MALRD1: variants seen among roughly 807,000 people sequenced by gnomAD.
MALRD1 encodes MAM and LDL receptor class A domain containing 1.
Under a neutral mutation model 242.1 loss-of-function variants are expected in MALRD1, and 247 were observed. The ratio of observed to expected loss-of-function variants is 1.02; its 90% confidence interval spans 0.92 to 1.13. The LOEUF (loss-of-function observed/expected upper bound fraction) is 1.13. MALRD1 is among the 50% of genes most tolerant of loss of function. MALRD1 has a pLI of 0.00. For missense variants in MALRD1, 2,989 were observed against 2,533.1 expected (o/e 1.18, Z -3.86); for synonymous variants, 995 against 866.6 (o/e 1.15, Z -2.60).
intron 18 of MALRD1, among the ~76,000 whole-genome samples, chr10:19,241,052 A>G (rs1411709600): frequency 6.6e-6 from 1 of 152,062 alleles, no homozygotes; most frequent in Non-Finnish European, 1.5e-5. Flanking sequence ...GTCTGGTTTT[A>G]GAATCAAGAT....
intron 19 of MALRD1, among the ~76,000 whole-genome samples, chr10:19,272,881 A>C (rs1588828775): frequency 6.6e-6 from 1 of 152,176 alleles, no homozygotes; most frequent in South Asian, 2.1e-4. Flanking sequence ...TTATGGCTGC[A>C]TAGTATTCCA....
intron 19 of MALRD1, among the ~76,000 whole-genome samples, chr10:19,271,795 A>G (rs367670559): frequency 6.6e-6 from 1 of 152,174 alleles, no homozygotes; most frequent in Non-Finnish European, 1.5e-5. Flanking sequence ...ATTTAATCAC[A>G]TAACAACCTA....
intron 28 of MALRD1, among the ~76,000 whole-genome samples, chr10:19,449,057 G>A (rs1835162042): frequency 6.6e-6 from 1 of 152,226 alleles, no homozygotes; most frequent in Non-Finnish European, 1.5e-5. Context: ...ATTACATCTG[G>A]AACTAGAAAC....
At chr10:19,211,502 G>A (rs1185344809) in intron 18 of MALRD1, among the ~76,000 whole-genome samples, 6 of 151,482 alleles carry the variant, frequency 4.0e-5, no homozygotes, top group Non-Finnish European at 4.4e-5. Flanking sequence ...AGACCAGCCT[G>A]GGCAACAAGG....
At chr10:19,048,671 A>C, upstream of MALRD1, 1 of 267,806 alleles carries the variant, frequency 3.7e-6, no homozygotes, top group Non-Finnish European at 7.0e-6. Context: ...AATTGTGTAA[A>C]TATGGCATAC....
At chr10:19,336,280 C>T (rs1843608206) in intron 24 of MALRD1, among the ~76,000 whole-genome samples, 1 of 152,090 alleles carries the variant, frequency 6.6e-6, no homozygotes, top group African/African-American at 2.4e-5. Flanking sequence ...ATTTTATTAG[C>T]TTTCAAATAC....
At chr10:19,143,754 A>G (rs1323426870) in intron 10 of MALRD1, among the ~76,000 whole-genome samples, 2 of 152,206 alleles carry the variant, frequency 1.3e-5, no homozygotes, top group Non-Finnish European at 2.9e-5. Flanking sequence ...TTCAGAGGCC[A>G]AATATGTACT....
intron 29 of MALRD1, among the ~76,000 whole-genome samples, chr10:19,468,189 A>C (rs1443130717): frequency 6.6e-6 from 1 of 152,216 alleles, no homozygotes; most frequent in East Asian, 1.9e-4. Context: ...GGTTAATTAG[A>C]ATTCCCTTAA....
chr10:19,075,742 A>G (rs1402493771), intron 2 of MALRD1, among the ~76,000 whole-genome samples: 1 of 152,078 alleles, frequency 6.6e-6, no homozygotes, highest in African/African-American at 2.4e-5. Flanking sequence ...CTAAGCAAAG[A>G]ACCAGCTAAG....
chr10:19,062,934 C>G (rs896060882), intron 1 of MALRD1, among the ~76,000 whole-genome samples: 1 of 151,984 alleles, frequency 6.6e-6, no homozygotes, highest in East Asian at 1.9e-4. Flanking sequence ...ATGCTTGAAC[C>G]CAGAAGTTCA....
At chr10:19,431,803 CT>C (rs1440920537) in intron 28 of MALRD1, among the ~76,000 whole-genome samples, 2 of 152,082 alleles carry the variant, frequency 1.3e-5, no homozygotes, top group African/African-American at 4.8e-5. Flanking sequence ...AAGTACTGTT[CT>C]TCTGTTTGCA....
chr10:19,486,404 T>C (rs953694857), intron 29 of MALRD1, among the ~76,000 whole-genome samples: 3 of 152,184 alleles, frequency 2.0e-5, no homozygotes, highest in South Asian at 4.1e-4. Flanking sequence ...CTTAGGACTT[T>C]TCTTAGATAT....
intron 31 of MALRD1, among the ~76,000 whole-genome samples, chr10:19,521,314 G>T (rs887440116): frequency 1.3e-5 from 2 of 151,498 alleles, no homozygotes; most frequent in African/African-American, 4.9e-5. Flanking sequence ...TTATTTCCTT[G>T]AGTGTCCTTA....
chr10:19,170,756 A>G (rs1456216497), intron 13 of MALRD1, among the ~76,000 whole-genome samples: 1 of 152,098 alleles, frequency 6.6e-6, no homozygotes, highest in Non-Finnish European at 1.5e-5. Context: ...TATTTTTCTT[A>G]CTTGACATGT....
intron 5 of MALRD1, among the ~76,000 whole-genome samples, chr10:19,122,614 T>C (rs1447194275): frequency 6.6e-6 from 1 of 151,840 alleles, no homozygotes; most frequent in Admixed American, 6.6e-5. Context: ...AAAGCTTGGG[T>C]ATTTAGGAAG....
intron 19 of MALRD1, among the ~76,000 whole-genome samples, chr10:19,264,363 T>G (rs1266642974): frequency 3.9e-5 from 6 of 152,136 alleles, no homozygotes; most frequent in Non-Finnish European, 8.8e-5. Flanking sequence ...TGCATCTATA[T>G]TCATCAGTCA....
chr10:19,343,744 A>G (rs949023467), intron 24 of MALRD1, among the ~76,000 whole-genome samples: 16 of 152,060 alleles, frequency 1.1e-4, no homozygotes, highest in African/African-American at 2.7e-4. Flanking sequence ...CCCTGGTGCT[A>G]TTTTCCAGAG....
chr10:19,502,418 G>A (rs1564395711), intron 31 of MALRD1, among the ~76,000 whole-genome samples: 2 of 152,100 alleles, frequency 1.3e-5, no homozygotes, highest in South Asian at 2.1e-4. Flanking sequence ...TTCTAAAAAT[G>A]TAGTGTAAAT....
upstream of MALRD1, among the ~76,000 whole-genome samples, chr10:19,047,935 C>T (rs889918865): frequency 1.1e-4 from 16 of 152,146 alleles, no homozygotes; most frequent in African/African-American, 3.6e-4. Flanking sequence ...TGAAAAAGAA[C>T]TTTAACATCC....
Sources: gnomAD v4.1 joint callset for allele counts (sites outside exome capture counted in the v4.1 genomes callset) on GRCh38, gnomAD v4.1.1 for gene constraint, MANE v1.5 for transcripts, NCBI Gene and HGNC (gene_info 2026-07-23, HGNC 2026-07-21) for gene names.